The following OPA1 variants were observed in gnomAD, a reference collection of about 807,000 sequenced individuals.
OPA1 encodes dynamin-like GTPase OPA1, mitochondrial.
OPA1 carries 59 observed loss-of-function variants against 152.9 expected under a neutral mutation model. The ratio of observed to expected loss-of-function variants is 0.39; its 90% CI spans 0.31 to 0.48. The LOEUF (loss-of-function observed/expected upper bound fraction) is 0.48, where lower values mean the gene tolerates loss of function less well. Among genes scored for constraint, OPA1 ranks in the 20% least tolerant of loss-of-function variants. The probability of loss-of-function intolerance (pLI) is 0.96; values close to 1 mark genes in which losing one functional copy is unlikely to be tolerated. For synonymous variants in OPA1, 400 were observed against 389.9 expected (o/e 1.03, Z -0.31); for missense variants, 1,008 against 1,216.8 (o/e 0.83, Z 2.55).
intron 1 of OPA1, among the ~76,000 whole-genome samples, chr3:193,597,255 C>A (rs113868253): frequency 6.6e-6 from 1 of 151,882 alleles, no homozygotes; most frequent in African/African-American, 2.4e-5. Flanking sequence ...TAGAGACTGC[C>A]CAGGGGAGAG....
chr3:193,663,477 T>C (rs1026311045), intron 26 of OPA1, among the ~76,000 whole-genome samples: 1 of 152,162 alleles, frequency 6.6e-6, no homozygotes, highest in Non-Finnish European at 1.5e-5. Context: ...GTCTACACTT[T>C]AGGCTACTTT....
intron 7 of OPA1, 74 bp downstream of exon 7, chr3:193,626,276 A>G (rs1731123930): frequency 4.9e-6 from 5 of 1,018,768 alleles, no homozygotes; most frequent in Non-Finnish European, 6.2e-6. Context: ...ATGTCACCTC[A>G]ATCTGTTCAT....
chr3:193,667,596 G>A (rs1305465709), intron 29 of OPA1: 26 of 349,546 alleles, frequency 7.4e-5, no homozygotes, highest in African/African-American at 5.2e-4. Flanking sequence ...GTGTGAACCC[G>A]GGAGGCGGAG....
At chr3:193,687,228 G>T (rs889862649) in intron 29 of OPA1, among the ~76,000 whole-genome samples, 1 of 152,112 alleles carries the variant, frequency 6.6e-6, no homozygotes, top group African/African-American at 2.4e-5. Flanking sequence ...AAAAGAGAAG[G>T]AACTTCATTC....
chr3:193,628,832 T>G (rs1388042071), intron 7 of OPA1, among the ~76,000 whole-genome samples: 1 of 152,214 alleles, frequency 6.6e-6, no homozygotes, highest in Non-Finnish European at 1.5e-5. Context: ...TCTTTAATGT[T>G]TGTTTTATAA....
At chr3:193,648,357 T>C (rs188528608) in intron 20 of OPA1, 2 of 468,542 alleles carry the variant, frequency 4.3e-6, no homozygotes, top group Admixed American at 3.6e-5. Flanking sequence ...AAACAAGTGT[T>C]GAAAGTGTTT....
At chr3:193,638,425 A>G (rs2109017008) in intron 11 of OPA1, among the ~76,000 whole-genome samples, 1 of 152,364 alleles carries the variant, frequency 6.6e-6, no homozygotes, top group East Asian at 1.9e-4. Flanking sequence ...AGCAGTAGCA[A>G]TTGAATATTG....
rs371781817 is a variant in OPA1, at chr3:193,618,947, A to G, written c.678+11A>G. ...AAGCATTTTAGAAAGGTAAGTGTAAAAGAGAATTGTTCATGTAGGTAGTCT... is the reference window on the plus strand; with the variant it reads ...AAGCATTTTAGAAAGGTAAGTGTAAGAGAGAATTGTTCATGTAGGTAGTCT... On this transcript the variant is annotated intron_variant, in intron 6 of 30. Transcript: ENST00000361510. 1.8e-5 allele frequency: 29 copies of G among 1,606,692 alleles called. No homozygotes were observed. The African/African-American group carries it at 3.6e-4, about 20-fold the overall frequency.
rs372886583 is a variant in OPA1 at position 193,604,057 on chromosome 3, G to A, written c.32+10648G>A. On this transcript the variant is annotated intron_variant, in intron 1 of 30. Coordinates refer to ENST00000361510, the MANE Select transcript of OPA1 (RefSeq NM_130837.3). ...TGGAATTTAATAGACTTTCCACAGC[G>A]TGTGGGACTTGCAAATTAAGTTCAT... Among the ~76,000 whole-genome samples the A allele has an allele frequency of 9.2e-5, 14 of 152,198 alleles. No individual in the cohort carries two copies. In the East Asian group the frequency reaches 1.2e-3, roughly 13 times the overall value.
chr3:193,668,749 C>T (rs414237), intron 29 of OPA1: 858,044 of 1,265,718 alleles, frequency 0.68, 292,620 homozygotes, highest in South Asian at 0.83. Flanking sequence ...CTTCCCACCC[C>T]CCTAGCTTGG....
At chr3:193,626,465 A>G (rs956772015) in intron 7 of OPA1, among the ~76,000 whole-genome samples, 5 of 152,172 alleles carry the variant, frequency 3.3e-5, no homozygotes, top group Non-Finnish European at 5.9e-5. Context: ...TATACTTAGA[A>G]CAAAATTAGG....
In OPA1 at chr3:193,664,948, T is replaced by C; in HGVS notation, c.2730T>C (p.Leu910=). The part of the protein sequence containing the change: ...FLKTALNHCN[L]CRRGFYYYQR... ...AAACAGCTCTAAACCATTGTAACCT[T>C]TGTCGAAGAGGTTTTTATTACTACC... The change falls in exon 27 of 31, where the codon CTT becomes CTC. Residue 910 remains leucine, a synonymous_variant. Transcript: ENST00000361510. 6.2e-6 allele frequency: 10 copies of C among 1,609,418 alleles called. No homozygotes were observed. Among genetic ancestry groups the C allele is most frequent in the Non-Finnish European group, 8.5e-6 (10 of 1,176,316 alleles).
chr3:193,686,362 T>C (rs557150212), intron 29 of OPA1, among the ~76,000 whole-genome samples: 41 of 152,044 alleles, frequency 2.7e-4, no homozygotes, highest in African/African-American at 9.9e-4. Context: ...GATGCCTCCT[T>C]CTGTAACATG....
At chr3:193,617,365 A>G (rs1459460185) in intron 4 of OPA1, 80 bp downstream of exon 4, 3 of 823,598 alleles carry the variant, frequency 3.6e-6, no homozygotes, top group Non-Finnish European at 4.0e-6. Context: ...GTTTATTCCC[A>G]TTTTTTTAAA....
intron 1 of OPA1, chr3:193,613,843 G>A (rs747165823): frequency 1.8e-5 from 9 of 493,342 alleles, no homozygotes; most frequent in Non-Finnish European, 3.6e-5. Context: ...CTCCCAAAGT[G>A]CTGGGATTAC....
chr3:193,624,010 G>C (rs1560342101), intron 6 of OPA1, among the ~76,000 whole-genome samples: 1 of 152,140 alleles, frequency 6.6e-6, no homozygotes, highest in Non-Finnish European at 1.5e-5. Flanking sequence ...TAGTGCTTTA[G>C]TAACAGGCAT....
At chr3:193,594,015 G>A (rs749916665) in intron 1 of OPA1, among the ~76,000 whole-genome samples, 29 of 152,226 alleles carry the variant, frequency 1.9e-4, no homozygotes, top group Middle Eastern at 6.8e-3. Context: ...TGTGTTTCGG[G>A]AGGGAGACTT....
At chr3:193,607,541 T>C (rs1254418992) in intron 1 of OPA1, among the ~76,000 whole-genome samples, 1 of 152,242 alleles carries the variant, frequency 6.6e-6, no homozygotes, top group Non-Finnish European at 1.5e-5. Flanking sequence ...CCGTTTCTTG[T>C]TTTTGTCAGG....
intron 21 of OPA1, 47 bp downstream of exon 21, chr3:193,648,918 G>A (rs748544069): frequency 2.4e-6 from 3 of 1,241,286 alleles, no homozygotes; most frequent in Non-Finnish European, 3.6e-6. Context: ...TTACTGTACA[G>A]GTTATAATGA....
Sources: gnomAD v4.1 joint callset for allele counts (sites outside exome capture counted in the v4.1 genomes callset) on GRCh38, gnomAD v4.1.1 for gene constraint, MANE v1.5 for transcripts, NCBI Gene and HGNC (gene_info 2026-07-23, HGNC 2026-07-21) for gene names.